COP1: variants seen among roughly 807,000 people sequenced by gnomAD.
COP1 encodes the protein COP1 E3 ubiquitin ligase.
Under a neutral mutation model 101.3 loss-of-function variants are expected in COP1, and 24 were observed. The observed-to-expected ratio is 0.24, with a 90% CI of 0.17 to 0.33. The LOEUF (loss-of-function observed/expected upper bound fraction) is 0.33, where lower values mean the gene tolerates loss of function less well. Among genes scored for constraint, COP1 ranks in the 10% least tolerant of loss-of-function variants. The pLI is 1.00. For synonymous variants in COP1, 347 were observed against 341.9 expected (o/e 1.01, Z -0.17); for missense variants, 663 against 906.2 (o/e 0.73, Z 3.45).
chr1:176,070,046 C>A (rs1277545912), intron 11 of COP1, among the ~76,000 whole-genome samples: 3 of 152,156 alleles, frequency 2.0e-5, no homozygotes, highest in African/African-American at 7.2e-5. Context: ...CTCTGTATAA[C>A]CAGAAAATTT....
chr1:176,081,069 T>C, intron 11 of COP1, 83 bp downstream of exon 11: 4 of 1,225,810 alleles, frequency 3.3e-6, no homozygotes, highest in Admixed American at 2.4e-5. Context: ...ACGCTTTTAA[T>C]AATAATGGTA....
At chr1:176,139,414 G>C (rs185760815) in intron 6 of COP1, among the ~76,000 whole-genome samples, 50 of 152,108 alleles carry the variant, frequency 3.3e-4, no homozygotes, top group Admixed American at 1.4e-3. Context: ...ATTTCTCAAA[G>C]AGCTTATTAA....
chr1:175,949,203 T>TAAAAAAAA (rs1649572689), intron 18 of COP1, among the ~76,000 whole-genome samples: 1 of 70,874 alleles, frequency 1.4e-5, no homozygotes, highest in Non-Finnish European at 2.7e-5. Flanking sequence ...TGAACATGGG[T>TAAAAAAAA]AATACAATAC....
chr1:176,066,497 G>A lies in COP1; in HGVS notation c.1277+14655C>T, dbSNP rs565709747. Reference sequence around the variant, plus strand: ...CCATTTTATCCTAATTGTAAAAAGCGTAAAAAAGAATAAATGAGGAGATCA... The same window carrying A: ...CCATTTTATCCTAATTGTAAAAAGCATAAAAAAGAATAAATGAGGAGATCA... On this transcript the variant is annotated intron_variant, in intron 11 of 19. Transcript: ENST00000367669. Among the ~76,000 whole-genome samples the A allele has an allele frequency of 1.1e-4, 16 of 152,100 alleles. No homozygotes were observed. The South Asian group carries it at 1.2e-3, about 12-fold the overall frequency.
chr1:176,023,652 A>G (rs1326232614), intron 15 of COP1, among the ~76,000 whole-genome samples: 2 of 145,590 alleles, frequency 1.4e-5, no homozygotes, highest in African/African-American at 5.1e-5. Context: ...CAGGAGGTAG[A>G]GGTTGCAGTG....
chr1:176,019,325 T>C (rs1014551232), intron 15 of COP1, among the ~76,000 whole-genome samples: 1 of 151,370 alleles, frequency 6.6e-6, no homozygotes, highest in Non-Finnish European at 1.5e-5. Flanking sequence ...TAGCTGAGCA[T>C]GGTGGTGTGC....
chr1:176,172,270 G>A (rs1696192685), intron 3 of COP1, among the ~76,000 whole-genome samples: 1 of 152,206 alleles, frequency 6.6e-6, no homozygotes, highest in African/African-American at 2.4e-5. Context: ...GCAAACTCAT[G>A]GCCTCGAATA....
At position 176,206,583 on chromosome 1, in the gene COP1, G is replaced by A. The variant is rs1700878343; in HGVS notation, c.396C>T (p.Asn132=). The change falls in exon 1 of 20, where the codon AAC becomes AAT. Residue 132 remains asparagine (N), a synonymous_variant. Transcript: ENST00000367669. ...CTCTTCAAACCCACCATACGAAGTC[G>A]TTGCTTTTGTCCTCGTAGGAGTTGA... ...GLINSYEDKS[N]DFVCPICFDM... The A allele has an allele frequency of 1.9e-6, 3 of 1,610,522 alleles. No individual in the cohort carries two copies. In the East Asian group the frequency reaches 6.7e-5, roughly 36 times the overall value.
chr1:176,085,706 T>C (rs1272722954), intron 10 of COP1, 70 bp downstream of exon 10: 1 of 876,840 alleles, frequency 1.1e-6, no homozygotes, highest in East Asian at 2.5e-5. Context: ...TTCCATAAAT[T>C]CAGCACAAAA....
At chr1:176,079,983 C>G (rs763580820) in intron 11 of COP1, among the ~76,000 whole-genome samples, 32 of 151,678 alleles carry the variant, frequency 2.1e-4, no homozygotes, top group Admixed American at 7.9e-4. Context: ...CATAATGAGA[C>G]CCTGTCTCTT....
In COP1 at chr1:176,162,974, C is replaced by A. The variant is rs1694562024; in HGVS notation, c.657G>T (p.Trp219Cys). ...HSVSSTNGHR[W>C]QIFQDWLGTD... Reference sequence around the variant, plus strand: ...TTCCCAACCAATCTTGAAATATCTGCCACCTGTGGCCATTCTAAAAATGAA... The same window carrying A: ...TTCCCAACCAATCTTGAAATATCTGACACCTGTGGCCATTCTAAAAATGAA... The change falls in exon 5 of 20, where the codon TGG becomes TGT. Residue 219 changes from tryptophan (W) to cysteine (C), a missense_variant. Trp to Cys is a radical substitution (Grantham distance 215). This residue lies in a region of COP1 where 212 missense variants were observed against 240.7 expected (regional missense o/e 0.88). Coordinates refer to ENST00000367669, the MANE Select transcript of COP1 (RefSeq NM_022457.7). 3.1e-6 allele frequency: 5 copies of A among 1,596,184 alleles called. No individual in the cohort carries two copies. Among genetic ancestry groups the A allele is most frequent in the Non-Finnish European group, 1.7e-6 (2 of 1,173,334 alleles).
Position 176,024,247 on chromosome 1 carries a change from G to A in COP1, c.1729+3325C>T, listed in dbSNP as rs115747659. On this transcript the variant is annotated intron_variant, in intron 15 of 19. Transcript: ENST00000367669. ...GCACTCCAGCCTGGGCTCTGACAGA[G>A]TGAGACTGTCTCTAAATAAATGTAT... Among the ~76,000 whole-genome samples the A allele has an allele frequency of 3.2e-3, 481 of 152,308 alleles. 7 individuals are homozygous for A. The highest frequency in any genetic ancestry group is 0.011 in the African/African-American group (467 of 41,570).
chr1:175,970,534 TA>T (rs924793566), intron 18 of COP1, among the ~76,000 whole-genome samples: 1 of 152,124 alleles, frequency 6.6e-6, no homozygotes, highest in African/African-American at 2.4e-5. Flanking sequence ...GATCAGGAAA[TA>T]GAGCAGTTAA....
chr1:176,005,898 T>C (rs1043085318), intron 15 of COP1, among the ~76,000 whole-genome samples: 23 of 152,124 alleles, frequency 1.5e-4, no homozygotes, highest in African/African-American at 5.3e-4. Context: ...AATTCCTGGG[T>C]ATCCTTGTTG....
chr1:175,991,686 T>C (rs1018597308), intron 15 of COP1, among the ~76,000 whole-genome samples: 2 of 152,240 alleles, frequency 1.3e-5, no homozygotes, highest in South Asian at 2.1e-4. Flanking sequence ...ATTTCCTTTT[T>C]ACATTTCCTT....
intron 5 of COP1, 47 bp downstream of exon 5, chr1:176,162,822 A>C: frequency 6.5e-7 from 1 of 1,529,292 alleles, no homozygotes; most frequent in Non-Finnish European, 8.9e-7. Flanking sequence ...TTTTATTGCA[A>C]TAAAGTTCAT....
Position 176,207,005 on chromosome 1 carries a change from G to A in COP1, c.-27C>T. On this transcript the variant is annotated 5_prime_UTR_variant, in exon 1 of 20. Transcript: ENST00000367669. ...GTGACTCCCTCCCCTCCAGCCGGGC[G>A]CTCGGAGGAGAGGGACCGCGACCTC... The A allele has an allele frequency of 7.3e-7, 1 of 1,367,160 alleles. No homozygotes were observed. Among genetic ancestry groups the A allele is most frequent in the Non-Finnish European group, 9.4e-7 (1 of 1,062,920 alleles). The allele number at this position is 1,367,160 out of a possible 1,614,324, so 84.7% of individuals were successfully genotyped here. A position where few individuals can be genotyped will look rare whatever the true frequency, so the allele number is the denominator to read the frequency against.
intron 3 of COP1, chr1:176,168,782 G>A: frequency 4.3e-6 from 1 of 233,562 alleles, no homozygotes; most frequent in South Asian, 4.1e-5. Flanking sequence ...AGAAGAGAAT[G>A]AGAGAAAATG....
At chr1:176,206,499 A>T in intron 1 of COP1, 73 bp downstream of exon 1, 1 of 1,389,186 alleles carries the variant, frequency 7.2e-7, no homozygotes, top group South Asian at 1.2e-5. Flanking sequence ...CCCACACCAG[A>T]CCCCCCGCCC....
Sources: allele counts gnomAD v4.1 joint callset (sites outside exome capture counted in the v4.1 genomes callset), GRCh38; gene constraint gnomAD v4.1.1; regional missense constraint gnomAD v4.1.1; transcripts MANE v1.5; gene names NCBI Gene and HGNC (gene_info 2026-07-23, HGNC 2026-07-21).